The following NOD2 variants were observed in gnomAD, a reference collection of about 807,000 sequenced individuals.
The protein encoded by NOD2 is nucleotide-binding oligomerization domain-containing protein 2.
In NOD2, 86 loss-of-function variants were observed where a neutral mutation model predicts 90.9. That is an observed-to-expected ratio of 0.95 (90% confidence interval 0.79 to 1.13). The LOEUF (loss-of-function observed/expected upper bound fraction) is 1.13. NOD2 is among the 50% of genes most tolerant of loss of function. NOD2 has a pLI of 0.00. For synonymous variants in NOD2, 581 were observed against 554.6 expected (o/e 1.05, Z -0.67); for missense variants, 1,238 against 1,283.8 (o/e 0.96, Z 0.55).
chr16:50,697,674 T>G (rs1963720600), intron 1 of NOD2: 1 of 368,296 alleles, frequency 2.7e-6, no homozygotes, highest in Non-Finnish European at 5.3e-6. Context: ...CTGAGAGAAC[T>G]ACCTTAGATC....
At chr16:50,713,316 C>A (rs1382222772) in intron 4 of NOD2, 1 of 152,146 alleles carries the variant, frequency 6.6e-6, no homozygotes, top group Non-Finnish European at 1.5e-5. Context: ...ATGGGACAAA[C>A]CACTTCCTGA....
chr16:50,714,602 CTG>C (rs67559630), intron 4 of NOD2, among the ~76,000 whole-genome samples: 30,474 of 135,510 alleles, frequency 0.22, 3,161 homozygotes, highest in Non-Finnish European at 0.29. Flanking sequence ...TGTGAGTGCA[CTG>C]TGTGTGTGTG....
At chr16:50,696,030 G>A (rs571772739) in intron 1 of NOD2, among the ~76,000 whole-genome samples, 23 of 146,510 alleles carry the variant, frequency 1.6e-4, no homozygotes, top group Admixed American at 1.4e-3. Flanking sequence ...CTGGTGGGGG[G>A]ATTTGATCTC....
rs1318260118 is a variant in NOD2, at chr16:50,711,752, A to G, written c.1760A>G (p.Tyr587Cys). Residue 587 changes from tyrosine to cysteine, a missense_variant, in exon 4 of 12, where the codon TAC (tyrosine) becomes TGC (cysteine). By Grantham distance (194) the Tyr-to-Cys change is radical. This residue lies in a region of NOD2 where 667 missense variants were observed against 688.7 expected (regional missense o/e 0.97). Transcript: ENST00000647318. ...TTCCAGTGCTTCTTTGCCGCGTTCT[A>G]CCTGGCACTCAGTGCTGATGTGCCA... ...ITFQCFFAAF[Y>C]LALSADVPPA... is the part of the protein sequence containing the mutation. 2.5e-6 allele frequency: 4 copies of G among 1,614,060 alleles called. No homozygotes were observed. Among genetic ancestry groups the G allele is most frequent in the Non-Finnish European group, 2.5e-6 (3 of 1,180,054 alleles).
chr16:50,709,559 A>G lies in NOD2; in HGVS notation c.566-999A>G, dbSNP rs571546635. Among the ~76,000 whole-genome samples, 8 of 152,306 alleles carry G rather than the reference A, an allele frequency of 5.3e-5. No homozygotes were observed. The East Asian group carries it at 5.8e-4, about 11-fold the overall frequency. On this transcript the variant is annotated intron_variant, in intron 3 of 11. Transcript: ENST00000647318. Reference sequence around the variant, plus strand: ...CCCCGTGCATGAAAACTCTCCCTGCATGGGGTGCATGGGGAGGATGGGGAA... The same window carrying G: ...CCCCGTGCATGAAAACTCTCCCTGCGTGGGGTGCATGGGGAGGATGGGGAA...
At position 50,711,192 on chromosome 16, in the gene NOD2, G is replaced by C. The variant is rs104895430; in HGVS notation, c.1200G>C (p.Pro400=). 7.4e-6 allele frequency: 12 copies of C among 1,613,942 alleles called. No individual in the cohort carries two copies. Among genetic ancestry groups the C allele is most frequent in the Non-Finnish European group, 9.3e-6 (11 of 1,180,044 alleles). Residue 400 remains proline, a synonymous_variant, in exon 4 of 12, where the codon CCG becomes CCC. Coordinates refer to ENST00000647318, the MANE Select transcript of NOD2 (RefSeq NM_001370466.1). ...CCCGCAAGGTGGTGACCAGCCGTCCGGCCGCTGTGTCGGCGTTCCTCAGGA... is the reference window on the plus strand; with the variant it reads ...CCCGCAAGGTGGTGACCAGCCGTCCCGCCGCTGTGTCGGCGTTCCTCAGGA... ...KNARKVVTSR[P]AAVSAFLRKY...
intron 1 of NOD2, among the ~76,000 whole-genome samples, chr16:50,695,991 T>C (rs552007261): frequency 2.0e-5 from 3 of 149,594 alleles, no homozygotes; most frequent in Non-Finnish European, 2.9e-5. Context: ...GCTTTACTTT[T>C]ACAATGGAGA....
Position 50,711,510 on chromosome 16 carries a change from A to G in NOD2, c.1518A>G (p.Gln506=), listed in dbSNP as rs1230083464. ...LHATPPDSAS[Q]GLGPSLLRGR... ...CCACCCCCCCAGACTCAGCTTCCCA[A>G]GGTCTGGGACCCAGTCTTCTTCGGG... Residue 506 remains glutamine (Q), a synonymous_variant, in exon 4 of 12, where the codon CAA becomes CAG. Transcript: ENST00000647318. 6.2e-7 allele frequency: 1 copy of G among 1,613,210 alleles called. No individual in the cohort carries two copies. Among genetic ancestry groups the G allele is most frequent in the African/African-American group, 1.3e-5 (1 of 74,912 alleles).
At chr16:50,697,593 C>G (rs1307331974) in intron 1 of NOD2, 3 of 498,160 alleles carry the variant, frequency 6.0e-6, no homozygotes, top group Non-Finnish European at 1.1e-5. Context: ...CCTCTCTTCC[C>G]CTGTCCTCGG....
intron 11 of NOD2, among the ~76,000 whole-genome samples, chr16:50,731,119 A>G (rs1371068323): frequency 6.6e-6 from 1 of 152,164 alleles, no homozygotes; most frequent in Non-Finnish European, 1.5e-5. Context: ...GCAGTGGGCC[A>G]TGATTGCATC....
Position 50,711,495 on chromosome 16 carries a change from A to G in NOD2, c.1503A>G (p.Pro501=), listed in dbSNP as rs1964499560. The stretch of plus-strand genomic sequence containing the variant: ...ATTTTCTGCTGCATGCCACCCCCCC[A>G]GACTCAGCTTCCCAAGGTCTGGGAC... ...LQHFLLHATP[P]DSASQGLGPS... is the part of the protein sequence containing the mutation. The change falls in exon 4 of 12, where the codon CCA becomes CCG. Residue 501 remains proline (P), a synonymous_variant. Transcript: ENST00000647318. 1.2e-6 allele frequency: 2 copies of G among 1,613,326 alleles called. No homozygotes were observed. The highest frequency in any genetic ancestry group is 1.1e-5 in the South Asian group (1 of 91,078).
At chr16:50,712,975 G>A (rs1964609681) in intron 4 of NOD2, 1 of 165,130 alleles carries the variant, frequency 6.1e-6, no homozygotes, top group South Asian at 1.4e-4. Flanking sequence ...TTGGATTCCT[G>A]AGGTAGCACA....
Position 50,699,672 on chromosome 16 carries a change from G to A in NOD2, c.177G>A (p.Arg59=). 1.2e-6 allele frequency: 2 copies of A among 1,614,180 alleles called. No homozygotes were observed. The highest frequency in any genetic ancestry group is 1.7e-6 in the Non-Finnish European group (2 of 1,180,034). Residue 59 remains arginine, a synonymous_variant, in exon 2 of 12, where the codon AGG becomes AGA. Coordinates refer to ENST00000647318, the MANE Select transcript of NOD2 (RefSeq NM_001370466.1). The part of the protein sequence containing the change: ...LLGQPLSHLA[R]RLLDTVWNKG... ...GCCAGCCTCTCTCCCACTTGGCCAG[G>A]CGCCTTCTGGACACCGTCTGGAATA... is the stretch of plus-strand genomic sequence containing the variant.
intron 2 of NOD2, among the ~76,000 whole-genome samples, chr16:50,704,788 G>C (rs1242801149): frequency 1.3e-5 from 2 of 152,142 alleles, no homozygotes; most frequent in Admixed American, 1.3e-4. Context: ...AAAGTGCTGG[G>C]ATTAAAGGCG....
intron 6 of NOD2, among the ~76,000 whole-genome samples, chr16:50,719,053 T>C (rs1964925277): frequency 6.6e-6 from 1 of 152,068 alleles, no homozygotes; most frequent in South Asian, 2.1e-4. Flanking sequence ...TGAGGAGTTC[T>C]TGAACCAAAT....
Position 50,711,763 on chromosome 16 carries a change from A to G in NOD2, c.1771A>G (p.Ser591Gly). ...CFFAAFYLAL[S>G]ADVPPALLRH... is the part of the protein sequence containing the mutation. ...CTTTGCCGCGTTCTACCTGGCACTCAGTGCTGATGTGCCACCAGCTTTGCT... is the reference window on the plus strand; with the variant it reads ...CTTTGCCGCGTTCTACCTGGCACTCGGTGCTGATGTGCCACCAGCTTTGCT... The change falls in exon 4 of 12, where the codon AGT becomes GGT. Residue 591 changes from serine to glycine, a missense_variant. Transcript: ENST00000647318. 3.1e-6 allele frequency: 5 copies of G among 1,614,212 alleles called. No homozygotes were observed. The highest frequency in any genetic ancestry group is 1.7e-6 in the Non-Finnish European group (2 of 1,180,050).
In NOD2 at chr16:50,711,576, G is replaced by T. The variant is rs941696883; in HGVS notation, c.1584G>T (p.Leu528=). The T allele has an allele frequency of 6.2e-7, 1 of 1,611,798 alleles. No individual in the cohort carries two copies. Among genetic ancestry groups the T allele is most frequent in the Non-Finnish European group, 8.5e-7 (1 of 1,180,020 alleles). The part of the protein sequence containing the change: ...PTLLHLGRLA[L]WGLGMCCYVF... ...TCCTGCACCTGGGCAGACTGGCTCTGTGGGGCCTGGGCATGTGCTGCTACG... is the reference window on the plus strand; with the variant it reads ...TCCTGCACCTGGGCAGACTGGCTCTTTGGGGCCTGGGCATGTGCTGCTACG... The change falls in exon 4 of 12, where the codon CTG becomes CTT. Residue 528 remains leucine, a synonymous_variant. Transcript: ENST00000647318.
chr16:50,727,635 G>T, intron 10 of NOD2: 1 of 339,318 alleles, frequency 2.9e-6, no homozygotes, highest in Non-Finnish European at 5.9e-6. Context: ...GTTGGCTAGA[G>T]GTCAGGTAAA....
At chr16:50,715,898 C>A (rs941210445) in intron 4 of NOD2, 2 of 153,622 alleles carry the variant, frequency 1.3e-5, no homozygotes, top group Admixed American at 6.4e-5. Flanking sequence ...TCCTGGGCCC[C>A]ACCCCGCAGA....
Sources: gnomAD v4.1 joint callset for allele counts (sites outside exome capture counted in the v4.1 genomes callset) on GRCh38, gnomAD v4.1.1 for gene constraint, gnomAD v4.1.1 regional missense constraint, MANE v1.5 for transcripts, NCBI Gene and HGNC (gene_info 2026-07-23, HGNC 2026-07-21) for gene names.